Variants in QRICH2 observed in about 807,000 individuals in gnomAD.
QRICH2 encodes the protein glutamine rich 2.
A neutral mutation model predicts 168.3 loss-of-function variants in QRICH2; 119 were observed. The observed-to-expected ratio is 0.71, with a 90% CI of 0.61 to 0.82. The LOEUF (loss-of-function observed/expected upper bound fraction) is 0.82. QRICH2 is among the 40% of genes least tolerant of loss of function. QRICH2 has a pLI of 0.00. For synonymous variants in QRICH2, 894 were observed against 951.2 expected (o/e 0.94, Z 1.11); for missense variants, 2,241 against 2,491.6 (o/e 0.90, Z 2.14).
rs1327594403 is a variant in QRICH2 at position 76,292,811 on chromosome 17, C to G, written c.1916G>C (p.Gly639Ala). The G allele has an allele frequency of 6.2e-7, 1 of 1,613,750 alleles. No individual in the cohort carries two copies. ...CTGACCTGTGCCAGGCTGGATCAAA[C>G]CATGCTGATCTCTACCAGGTTGGGC... The part of the protein sequence containing the change: ...GLAQPGRDQH[G>A]LIQPGTGQHD... Residue 639 changes from glycine to alanine, a missense_variant, in exon 4 of 19, where the codon GGT becomes GCT. Physicochemically the swap from Gly to Ala is moderately conservative, Grantham distance 60. This residue lies in a region of QRICH2 where 2,047 missense variants were observed against 2,303.8 expected (regional missense o/e 0.89). Coordinates refer to ENST00000680821, the MANE Select transcript of QRICH2 (RefSeq NM_001388453.1).
rs151003437 is a variant in QRICH2, at chr17:76,308,126, C to CCGCGCCAGG, written c.-129_-128insCCTGGCGCG. Reference sequence around the variant, plus strand: ...CGGGGCGCCCCTGCCCCGGGTCCGGCCGAGTCACTGGACAGAGCTCCTGCC... The same window carrying CCGCGCCAGG: ...CGGGGCGCCCCTGCCCCGGGTCCGGCCGCGCCAGGCGAGTCACTGGACAGAGCTCCTGCC... On this transcript the variant is annotated 5_prime_UTR_variant, in exon 1 of 19. Transcript: ENST00000680821. 2.5e-5 allele frequency: 31 copies of CCGCGCCAGG among 1,219,354 alleles called. No homozygotes were observed. The African/African-American group carries it at 4.1e-4, about 16-fold the overall frequency. 75.5% of individuals were successfully genotyped at this position (1,219,354 alleles called of 1,614,324 possible).
In QRICH2 at chr17:76,280,751, GAA is replaced by G. The variant is rs2070772724; in HGVS notation, c.4387-25_4387-24del. The G allele has an allele frequency of 1.2e-6, 2 of 1,613,960 alleles. No homozygotes were observed. The highest frequency in any genetic ancestry group is 2.2e-5 in the South Asian group (2 of 91,090). ...CATCTGGGGAGGCCAAGTGAACAGAGAAAAAAAGAGCCAGCAGCTGCGGGGCT... is the reference window on the plus strand; with the variant it reads ...CATCTGGGGAGGCCAAGTGAACAGAGAAAAAGAGCCAGCAGCTGCGGGGCT... On this transcript the variant is annotated intron_variant, in intron 9 of 18. Transcript: ENST00000680821. The surrounding 1 kb of genome is among the most constrained non-coding windows in gnomAD (Gnocchi z 7.4).
chr17:76,293,112 C>G lies in QRICH2; in HGVS notation c.1615G>C (p.Gly539Arg). The G allele has an allele frequency of 6.2e-7, 1 of 1,614,230 alleles. No individual in the cohort carries two copies. The change falls in exon 4 of 19, where the codon GGT becomes CGT. Residue 539 changes from glycine to arginine, a missense_variant. By Grantham distance (125) the Gly-to-Arg change is moderately radical. Around this residue, in one of 3 missense-constraint regions of QRICH2, gnomAD observed 2,047 missense variants for 2,303.8 expected, o/e 0.89. Transcript: ENST00000680821. ...TGATCTGCACTAATTGGCATCAAAC[C>G]AGGTGATACCAAACCATGCTGGTCT... is the stretch of plus-strand genomic sequence containing the variant. ...FTDQHGLVSP[G>R]LMPISADQQG...
chr17:76,291,998 C>G lies in QRICH2; in HGVS notation c.2729G>C (p.Gly910Ala). Residue 910 changes from glycine to alanine, a missense_variant, in exon 4 of 19, where the codon GGT (glycine) becomes GCT (alanine). Coordinates refer to ENST00000680821, the MANE Select transcript of QRICH2 (RefSeq NM_001388453.1). ...CTGACCTATTCCAGGCTGCACCATA[C>G]CCAGCTGACCTGCACCAGGCTGGAC... is the stretch of plus-strand genomic sequence containing the variant. ...GLVQPGAGQL[G>A]MVQPGIGQQG... 1.2e-6 allele frequency: 2 copies of G among 1,614,234 alleles called. No homozygotes were observed. Among genetic ancestry groups the G allele is most frequent in the Non-Finnish European group, 1.7e-6 (2 of 1,180,046 alleles).
intron 16 of QRICH2, 46 bp downstream of exon 16, chr17:76,277,117 C>T: frequency 1.3e-6 from 2 of 1,502,964 alleles, no homozygotes; most frequent in Non-Finnish European, 1.8e-6. Flanking sequence ...GAATCTGGAG[C>T]CATGTCAGGG....
In QRICH2 at chr17:76,307,802, C is replaced by G. The variant is rs866385354; in HGVS notation, c.197G>C (p.Ser66Thr). ...EPSRSLQSVR[S>T]SFSIPHLPAP... ...GGGCAGGTGCGGGATGCTGAACGAG[C>G]TCCGGACGGACTGCAGCGAGCGGCT... The change falls in exon 1 of 19, where the codon AGC (serine) becomes ACC (threonine). Residue 66 changes from serine to threonine, a missense_variant. Physicochemically the swap from Ser to Thr is moderately conservative, Grantham distance 58 (BLOSUM62 1). Around this residue, in one of 3 missense-constraint regions of QRICH2, gnomAD observed 2,047 missense variants for 2,303.8 expected, o/e 0.89. Transcript: ENST00000680821. This position sits in a 1 kb window ranked among gnomAD's most constrained non-coding sequence, Gnocchi z 5.3. The G allele has an allele frequency of 7.5e-7, 1 of 1,339,160 alleles. No individual in the cohort carries two copies. The highest frequency in any genetic ancestry group is 9.5e-7 in the Non-Finnish European group (1 of 1,048,718). The allele number at this position is 1,339,160 out of a possible 1,614,324, so 83.0% of individuals were successfully genotyped here. A position where few individuals can be genotyped will look rare whatever the true frequency, so the allele number is the denominator to read the frequency against.
In QRICH2 at chr17:76,281,137, CAGG is replaced by C. The variant is rs1568108014; in HGVS notation, c.4264-187_4264-185del. ...GTGAGGCGAGAGGATCACTTGAGCC[CAGG>C]AGTTCAAGAACAGCCTGGGCAACAT... On this transcript the variant is annotated intron_variant, in intron 8 of 18. Transcript: ENST00000680821. This position sits in a 1 kb window ranked among gnomAD's most constrained non-coding sequence, Gnocchi z 4.4. 6.6e-6 allele frequency among the ~76,000 whole-genome samples: 1 copy of C among 152,182 alleles called. No individual in the cohort carries two copies. The highest frequency in any genetic ancestry group is 1.5e-5 in the Non-Finnish European group (1 of 68,036).
chr17:76,277,758 G>A (rs749866297), intron 15 of QRICH2, among the ~76,000 whole-genome samples: 8 of 150,764 alleles, frequency 5.3e-5, no homozygotes, highest in Non-Finnish European at 7.4e-5. Context: ...ATACACACAC[G>A]CACTCATACA....
At chr17:76,300,804 C>T (rs893869287) in intron 3 of QRICH2, among the ~76,000 whole-genome samples, 1 of 152,116 alleles carries the variant, frequency 6.6e-6, no homozygotes, top group Non-Finnish European at 1.5e-5. Flanking sequence ...GTAATCCCAG[C>T]ACTTTGGGAG....
Position 76,280,784 on chromosome 17 carries a change from A to C in QRICH2, c.4386+47T>G, listed in dbSNP as rs1375937559. 22 of 1,613,946 alleles carry C rather than the reference A, an allele frequency of 1.4e-5. No individual in the cohort carries two copies. Among genetic ancestry groups the C allele is most frequent in the Non-Finnish European group, 1.8e-5 (21 of 1,179,942 alleles). The stretch of plus-strand genomic sequence containing the variant: ...GAGCCAGCAGCTGCGGGGCTAGGGC[A>C]CCACATTGAGCCCCGGCCCCATCCC... On this transcript the variant is annotated intron_variant, in intron 9 of 18. Transcript: ENST00000680821. This position sits in a 1 kb window ranked among gnomAD's most constrained non-coding sequence, Gnocchi z 7.4.
chr17:76,274,156 CCA>C lies in QRICH2; in HGVS notation c.5585_5586del (p.Leu1862ArgfsTer?), dbSNP rs2070627884. On this transcript the variant is annotated frameshift_variant, in exon 19 of 19. Transcript: ENST00000680821. LOFTEE classifies it low-confidence loss of function (END_TRUNC). ...CCAGGAGGCATGTCCACGTGCCTCTCCAGCCCCCTGTTTGCCACCGCGGCGGA... is the reference window on the plus strand; with the variant it reads ...CCAGGAGGCATGTCCACGTGCCTCTCGCCCCCTGTTTGCCACCGCGGCGGA... ...PSSAAVANRG[L>X]ERHVDMPPGE... 26 of 1,583,954 alleles carry C rather than the reference CCA, an allele frequency of 1.6e-5. No homozygotes were observed. Among genetic ancestry groups the C allele is most frequent in the Non-Finnish European group, 2.1e-5 (25 of 1,170,602 alleles).
intron 18 of QRICH2, among the ~76,000 whole-genome samples, chr17:76,274,712 G>A (rs191100108): frequency 6.6e-6 from 1 of 152,294 alleles, no homozygotes; most frequent in East Asian, 1.9e-4. Flanking sequence ...ACAGTCATGT[G>A]CTCACTGTCC....
intron 3 of QRICH2, among the ~76,000 whole-genome samples, chr17:76,301,729 G>T (rs1352813328): frequency 2.7e-5 from 2 of 74,080 alleles, no homozygotes; most frequent in African/African-American, 1.3e-4. Flanking sequence ...TTGAGACAGG[G>T]TCTCACTCTG....
intron 3 of QRICH2, among the ~76,000 whole-genome samples, chr17:76,302,114 G>C (rs940559918): frequency 3.9e-5 from 6 of 151,970 alleles, no homozygotes; most frequent in African/African-American, 1.5e-4. Context: ...GGCCAGGCTG[G>C]TCTCCAACTC....
rs899979793 is a variant in QRICH2, at chr17:76,280,496, T to A, written c.4462-45A>T. The A allele has an allele frequency of 6.2e-7, 1 of 1,606,678 alleles. No homozygotes were observed. The highest frequency in any genetic ancestry group is 1.7e-5 in the Admixed American group (1 of 59,582). Reference sequence around the variant, plus strand: ...GGTCCCCGCATCTGGGAGATGGCCATGGAGGGGCCCCATTCCCTGGGGGTG... The same window carrying A: ...GGTCCCCGCATCTGGGAGATGGCCAAGGAGGGGCCCCATTCCCTGGGGGTG... On this transcript the variant is annotated intron_variant, in intron 10 of 18. Coordinates refer to ENST00000680821, the MANE Select transcript of QRICH2 (RefSeq NM_001388453.1). The surrounding 1 kb of genome is among the most constrained non-coding windows in gnomAD (Gnocchi z 7.4).
At chr17:76,308,500 G>C (rs2071025246), upstream of QRICH2, 2 of 985,160 alleles carry the variant, frequency 2.0e-6, no homozygotes, top group East Asian at 1.1e-4. Flanking sequence ...GGAAAGACTT[G>C]AGGGTTTCCT....
intron 3 of QRICH2, among the ~76,000 whole-genome samples, chr17:76,303,279 G>C (rs1017392963): frequency 6.6e-6 from 1 of 152,110 alleles, no homozygotes; most frequent in Non-Finnish European, 1.5e-5. Flanking sequence ...TTTGTACCCA[G>C]ATATTTGGCG....
Position 76,291,396 on chromosome 17 carries a change from G to A in QRICH2, c.3331C>T (p.Pro1111Ser). The A allele has an allele frequency of 6.2e-7, 1 of 1,614,066 alleles. No individual in the cohort carries two copies. Among genetic ancestry groups the A allele is most frequent in the Non-Finnish European group, 8.5e-7 (1 of 1,180,012 alleles). ...SLFDSHDSMY[P>S]GYRGPGYLSA... is the part of the protein sequence containing the mutation. ...AGATACCCTGGGCCACGATAACCAG[G>A]ATACATTGAATCATGACTGTCAAAG... Residue 1111 changes from proline to serine, a missense_variant, in exon 4 of 19, where the codon CCT (proline) becomes TCT (serine). By Grantham distance (74) the Pro-to-Ser change is moderately conservative. This residue lies in a region of QRICH2 where 2,047 missense variants were observed against 2,303.8 expected (regional missense o/e 0.89). Transcript: ENST00000680821.
At position 76,280,927 on chromosome 17, in the gene QRICH2, C is replaced by T; in HGVS notation, c.4290G>A (p.Gln1430=). ...RQDEELLGRV[Q]SAILQVQGDC... is the part of the protein sequence containing the mutation. The stretch of plus-strand genomic sequence containing the variant: ...CACCCTGCACCTGCAGGATGGCACT[C>T]TGCACACGGCCCAGCAGCTCCTCGT... Residue 1430 remains glutamine (Q), a synonymous_variant, in exon 9 of 19, where the codon CAG becomes CAA. Coordinates refer to ENST00000680821, the MANE Select transcript of QRICH2 (RefSeq NM_001388453.1). The surrounding 1 kb of genome is among the most constrained non-coding windows in gnomAD (Gnocchi z 7.4). 1 of 1,611,886 alleles carries T rather than the reference C, an allele frequency of 6.2e-7. No individual in the cohort carries two copies.
Sources: gnomAD v4.1 joint callset for allele counts (sites outside exome capture counted in the v4.1 genomes callset) on GRCh38, gnomAD v4.1.1 for gene constraint, gnomAD v4.1.1 regional missense constraint, Gnocchi (gnomAD v3.1) non-coding constraint, MANE v1.5 for transcripts, NCBI Gene and HGNC (gene_info 2026-07-23, HGNC 2026-07-21) for gene names.